Variants in PHF12 observed in about 807,000 individuals in gnomAD.
The protein encoded by PHF12 is PHD factor 1.
PHF12 carries 6 observed loss-of-function variants against 99.8 expected under a neutral mutation model. The ratio of observed to expected loss-of-function variants is 0.06; its 90% CI spans 0.03 to 0.12. PHF12 has a LOEUF of 0.12. Ranked by LOEUF, PHF12 falls within the 10% of genes least tolerant of loss-of-function variation. PHF12 has a pLI of 1.00. For missense variants in PHF12, 954 were observed against 1,300.1 expected (o/e 0.73, Z 4.09); for synonymous variants, 480 against 514.9 (o/e 0.93, Z 0.92).
chr17:28,951,426 C>CCGT lies in PHF12; in HGVS notation c.-469_-467dup. On this transcript the variant is annotated 5_prime_UTR_variant, in exon 1 of 15. Coordinates refer to ENST00000332830, the MANE Select transcript of PHF12 (RefSeq NM_001033561.2). Reference sequence around the variant, plus strand: ...CGGGCTCCGCCTCTCGCCGCCGCCGCCGTCTGCGTCCCGGCTGCCGCGCAC... The same window carrying CCGT: ...CGGGCTCCGCCTCTCGCCGCCGCCGCCGTCGTCTGCGTCCCGGCTGCCGCGCAC... 1 of 987,094 alleles carries CCGT rather than the reference C, an allele frequency of 1.0e-6. No homozygotes were observed. Among genetic ancestry groups the CCGT allele is most frequent in the Non-Finnish European group, 1.2e-6 (1 of 831,060 alleles). 61.1% of individuals were successfully genotyped at this position (987,094 alleles called of 1,614,324 possible). A position where few individuals can be genotyped will look rare whatever the true frequency, so the allele number is the denominator to read the frequency against.
At chr17:28,914,838 T>A (rs545475445) in intron 7 of PHF12, among the ~76,000 whole-genome samples, 1 of 152,148 alleles carries the variant, frequency 6.6e-6, no homozygotes, top group Non-Finnish European at 1.5e-5. Flanking sequence ...AATCACACCA[T>A]GTAAGAATGA....
In PHF12 at chr17:28,934,458, T is replaced by C. The variant is rs528494094; in HGVS notation, c.249-7395A>G. On this transcript the variant is annotated intron_variant, in intron 2 of 14. Coordinates refer to ENST00000332830, the MANE Select transcript of PHF12 (RefSeq NM_001033561.2). ...TGAGGAGTTCAGGAGGAAGCCATAG[T>C]TTCAGAAGCAGGTATATTTCTGCAT... Among the ~76,000 whole-genome samples, 321 of 152,300 alleles carry C rather than the reference T, an allele frequency of 2.1e-3. 2 individuals carry two copies. The highest frequency in any genetic ancestry group is 6.9e-3 in the African/African-American group (288 of 41,550).
rs1450126586 is a variant in PHF12 at position 28,927,144 on chromosome 17, C to T, written c.249-81G>A. 6.9e-6 allele frequency: 9 copies of T among 1,312,038 alleles called. No homozygotes were observed. In the African/African-American group the frequency reaches 1.3e-4, roughly 19 times the overall value. The allele number at this position is 1,312,038 out of a possible 1,614,324, so 81.3% of individuals were successfully genotyped here. A position where few individuals can be genotyped will look rare whatever the true frequency, so the allele number is the denominator to read the frequency against. Reference sequence around the variant, plus strand: ...AAAGCCTAGCTAGGTTTGCATGTTCCTAAACTCCTATTGTGGCCAGTCCTG... The same window carrying T: ...AAAGCCTAGCTAGGTTTGCATGTTCTTAAACTCCTATTGTGGCCAGTCCTG... On this transcript the variant is annotated intron_variant, in intron 2 of 14. Transcript: ENST00000332830.
intron 2 of PHF12, among the ~76,000 whole-genome samples, chr17:28,936,682 C>G (rs1025413996): frequency 1.3e-5 from 2 of 152,184 alleles, no homozygotes; most frequent in Non-Finnish European, 2.9e-5. Context: ...TTCACTGCCC[C>G]TATCATCATC....
At chr17:28,919,507 C>A (rs532555232) in intron 5 of PHF12, among the ~76,000 whole-genome samples, 1 of 152,188 alleles carries the variant, frequency 6.6e-6, no homozygotes, top group African/African-American at 2.4e-5. Flanking sequence ...CCGAGGTGGG[C>A]GGATTGCCTG....
chr17:28,912,671 T>C lies in PHF12; in HGVS notation c.1900A>G (p.Ser634Gly). 1 of 1,614,222 alleles carries C rather than the reference T, an allele frequency of 6.2e-7. No homozygotes were observed. The highest frequency in any genetic ancestry group is 8.5e-7 in the Non-Finnish European group (1 of 1,180,046). The change falls in exon 9 of 15, where the codon AGC (serine) becomes GGC (glycine). Residue 634 changes from serine to glycine, a missense_variant. Ser to Gly is a moderately conservative substitution (Grantham distance 56, BLOSUM62 0). This residue lies in a region of PHF12 where 392 missense variants were observed against 423.1 expected (regional missense o/e 0.93). Coordinates refer to ENST00000332830, the MANE Select transcript of PHF12 (RefSeq NM_001033561.2). ...LPPSIPSSCA[S>G]IENTSTLQRK... Reference sequence around the variant, plus strand: ...TGCAAAGTGCTGGTGTTCTCGATGCTGGCACAAGAGCTGGGAATGGAAGGG... The same window carrying C: ...TGCAAAGTGCTGGTGTTCTCGATGCCGGCACAAGAGCTGGGAATGGAAGGG...
At chr17:28,942,438 T>G (rs1294496402) in intron 2 of PHF12, among the ~76,000 whole-genome samples, 1 of 152,038 alleles carries the variant, frequency 6.6e-6, no homozygotes, top group Non-Finnish European at 1.5e-5. Context: ...GAGGATTGCT[T>G]GAGACTAGGA....
intron 2 of PHF12, among the ~76,000 whole-genome samples, chr17:28,940,996 C>G (rs184667015): frequency 4.0e-5 from 6 of 151,762 alleles, no homozygotes; most frequent in African/African-American, 1.5e-4. Context: ...CTCCCTGGGG[C>G]CTCTAAGTCA....
At chr17:28,930,667 A>G (rs79409797) in intron 2 of PHF12, among the ~76,000 whole-genome samples, 2,532 of 152,274 alleles carry the variant, frequency 0.017, 63 homozygotes, top group African/African-American at 0.058. Flanking sequence ...TTGATTTTCA[A>G]TATCGTTTAT....
In PHF12 at chr17:28,924,274, T is replaced by G; in HGVS notation, c.350A>C (p.His117Pro). 1 of 1,614,234 alleles carries G rather than the reference T, an allele frequency of 6.2e-7. No individual in the cohort carries two copies. The highest frequency in any genetic ancestry group is 8.5e-7 in the Non-Finnish European group (1 of 1,180,038). ...AGATTTGTCCACCAGTCCATTGACA[T>G]GACCCAGCTCCTTTTTCTGCTCTCG... ...KKREQKKELG[H>P]VNGLVDKSGK... is the part of the protein sequence containing the mutation. Residue 117 changes from histidine to proline, a missense_variant, in exon 4 of 15, where the codon CAT (histidine) becomes CCT (proline). His to Pro is a moderately conservative substitution (Grantham distance 77). Transcript: ENST00000332830.
rs1252848912 is a variant in PHF12 at position 28,917,382 on chromosome 17, G to C, written c.1037C>G (p.Ser346Trp). The C allele has an allele frequency of 6.2e-7, 1 of 1,613,946 alleles. No homozygotes were observed. Residue 346 changes from serine (S) to tryptophan (W), a missense_variant, in exon 7 of 15, where the codon TCG becomes TGG. Ser to Trp is a radical substitution (Grantham distance 177, BLOSUM62 -3). This residue lies in a region of PHF12 where 85 missense variants were observed against 196.6 expected (regional missense o/e 0.43). Coordinates refer to ENST00000332830, the MANE Select transcript of PHF12 (RefSeq NM_001033561.2). ...GAAGTCCACTTTGACGACATGCTGC[G>C]AAACGGTGTCCTGGAAACGATCAAA... ...QVFDRFQDTVSQHVVKVDFLN... is the reference protein window; with the variant it reads ...QVFDRFQDTVWQHVVKVDFLN...
intron 2 of PHF12, chr17:28,928,077 C>A (rs149870575): frequency 6.6e-6 from 1 of 152,234 alleles, no homozygotes; most frequent in Non-Finnish European, 1.5e-5. Flanking sequence ...CACCACTGCA[C>A]TCTAGCCTGG....
In PHF12 at chr17:28,926,942, T is replaced by C. The variant is rs199692366; in HGVS notation, c.321+49A>G. 1,014 of 1,609,674 alleles carry C rather than the reference T, an allele frequency of 6.3e-4. 2 individuals are homozygous for C. Among genetic ancestry groups the C allele is most frequent in the East Asian group, 5.9e-3 (265 of 44,862 alleles). The stretch of plus-strand genomic sequence containing the variant: ...GGCCGTCTTAGCTCTAGCATATCAG[T>C]GCTCTGGATCAGGCTTTCTGGACAG... On this transcript the variant is annotated intron_variant, in intron 3 of 14. Transcript: ENST00000332830.
intron 9 of PHF12, chr17:28,912,101 C>T (rs1598119755): frequency 2.5e-5 from 26 of 1,037,814 alleles, no homozygotes; most frequent in East Asian, 8.1e-5. Context: ...GAGGCCATCA[C>T]GCAGAACCTC....
chr17:28,912,063 C>A, intron 9 of PHF12: 1 of 999,540 alleles, frequency 1.0e-6, no homozygotes, highest in Non-Finnish European at 1.2e-6. Flanking sequence ...GGCATGAATC[C>A]ATTCTTTTGT....
Position 28,951,013 on chromosome 17 carries a change from G to A in PHF12, c.-53C>T. On this transcript the variant is annotated 5_prime_UTR_variant, in exon 1 of 15. Transcript: ENST00000332830. ...CTGCTCCGGCCCCCCCAACCCCGGG[G>A]GGAGGGGGGAGGTGAGGGGAGGGGG... 2 of 1,610,332 alleles carry A rather than the reference G, an allele frequency of 1.2e-6. No homozygotes were observed. Among genetic ancestry groups the A allele is most frequent in the Non-Finnish European group, 1.7e-6 (2 of 1,178,010 alleles).
Position 28,913,984 on chromosome 17 carries a change from G to A in PHF12, c.1188C>T (p.Pro396=), listed in dbSNP as rs1186346433. Reference sequence around the variant, plus strand: ...TCAGCTCCCCGTCCCGAATGGCCGCGGGTGCAATGAGAGGGGGTGGAAACT... The same window carrying A: ...TCAGCTCCCCGTCCCGAATGGCCGCAGGTGCAATGAGAGGGGGTGGAAACT... ...QYQFPPPLIA[P]AAIRDGELIC... Residue 396 remains proline (P), a synonymous_variant, in exon 8 of 15, where the codon CCC becomes CCT. Coordinates refer to ENST00000332830, the MANE Select transcript of PHF12 (RefSeq NM_001033561.2). 8 of 1,613,560 alleles carry A rather than the reference G, an allele frequency of 5.0e-6. No individual in the cohort carries two copies. The highest frequency in any genetic ancestry group is 2.7e-5 in the African/African-American group (2 of 74,864).
Position 28,912,251 on chromosome 17 carries a change from T to C in PHF12, c.2089+231A>G, listed in dbSNP as rs1430882756. The C allele has an allele frequency of 3.0e-6, 4 of 1,323,922 alleles. No homozygotes were observed. In the Admixed American group the frequency reaches 1.1e-4, roughly 36 times the overall value. 82.0% of individuals were successfully genotyped at this position (1,323,922 alleles called of 1,614,324 possible). ...GGTTCCAATCCTGCCACTGACTCAG[T>C]AGGTCATTTTAAGGAAATCACTGAA... On this transcript the variant is annotated intron_variant, in intron 9 of 14. Coordinates refer to ENST00000332830, the MANE Select transcript of PHF12 (RefSeq NM_001033561.2).
chr17:28,935,694 G>C (rs1191032719), intron 2 of PHF12, among the ~76,000 whole-genome samples: 1 of 152,180 alleles, frequency 6.6e-6, no homozygotes, highest in Non-Finnish European at 1.5e-5. Flanking sequence ...ATGTTTCTCA[G>C]TTTGGTGTGG....
Sources: gnomAD v4.1 joint callset for allele counts (sites outside exome capture counted in the v4.1 genomes callset) on GRCh38, gnomAD v4.1.1 for gene constraint, gnomAD v4.1.1 regional missense constraint, MANE v1.5 for transcripts, NCBI Gene and HGNC (gene_info 2026-07-23, HGNC 2026-07-21) for gene names.